The following RANBP2 variants were observed in gnomAD, a reference collection of about 807,000 sequenced individuals.
The protein encoded by RANBP2 is RAN binding protein 2, also known as E3 SUMO-protein ligase RanBP2.
RANBP2 carries 57 observed loss-of-function variants against 303.6 expected under a neutral mutation model. The observed-to-expected ratio is 0.19, with a 90% CI of 0.15 to 0.23. The LOEUF (loss-of-function observed/expected upper bound fraction) is 0.23, where lower values mean the gene tolerates loss of function less well. Among genes scored for constraint, RANBP2 ranks in the 10% least tolerant of loss-of-function variants. The pLI is 1.00. For missense variants in RANBP2, 3,138 were observed against 3,780.8 expected, an observed-to-expected ratio of 0.83 and a Z score of 4.46; for synonymous variants, 1,167 against 1,301.5, an observed-to-expected ratio of 0.90 and a Z score of 2.23.
intron 23 of RANBP2, among the ~76,000 whole-genome samples, chr2:108,774,377 C>A (rs888335191): frequency 6.6e-6 from 1 of 152,016 alleles, no homozygotes; most frequent in Admixed American, 6.6e-5. Context: ...GAGGATTGCT[C>A]GGGAGTCCAG....
At chr2:108,894,313 A>G in the RANBP2 span, among the ~76,000 whole-genome samples, 34 of 152,090 alleles carry the variant, frequency 2.2e-4, no homozygotes, top group African/African-American at 7.7e-4. Flanking sequence ...GTCCCAGGCC[A>G]TAACATTTTA....
At chr2:109,311,803 CA>C in the RANBP2 span, among the ~76,000 whole-genome samples, 1 of 152,202 alleles carries the variant, frequency 6.6e-6, no homozygotes, top group East Asian at 1.9e-4. Flanking sequence ...ATGGCAGAGA[CA>C]GCAAACTTTA....
At chr2:109,221,022 A>AG in the RANBP2 span, among the ~76,000 whole-genome samples, 1 of 148,882 alleles carries the variant, frequency 6.7e-6, no homozygotes, top group Non-Finnish European at 1.5e-5. Context: ...GACAGATGAC[A>AG]GGGTAAACAA....
the RANBP2 span, among the ~76,000 whole-genome samples, chr2:109,287,589 A>C: frequency 6.6e-6 from 1 of 152,116 alleles, no homozygotes. Flanking sequence ...CATCATCTGC[A>C]CTATATACCC....
In RANBP2 at chr2:108,719,498, G is replaced by C; in HGVS notation, c.-109G>C. On this transcript the variant is annotated 5_prime_UTR_variant, in exon 1 of 29. Transcript: ENST00000283195. ...AAGTTCGTCACAGTGGTCCTCCGCC[G>C]GCTACGGCGCTGCGTCACTGGTTTG... The C allele has an allele frequency of 6.6e-7, 1 of 1,519,832 alleles. No individual in the cohort carries two copies. The highest frequency in any genetic ancestry group is 8.9e-7 in the Non-Finnish European group (1 of 1,128,490). 94.1% of individuals were successfully genotyped at this position (1,519,832 alleles called of 1,614,324 possible).
the RANBP2 span, among the ~76,000 whole-genome samples, chr2:109,559,835 C>G: frequency 3.4e-5 from 5 of 148,098 alleles, no homozygotes; most frequent in Non-Finnish European, 7.5e-5. Flanking sequence ...AGAGCTGGAA[C>G]AAAAATGGTT....
the RANBP2 span, among the ~76,000 whole-genome samples, chr2:109,625,091 A>AC: frequency 7.3e-6 from 1 of 137,044 alleles, no homozygotes; most frequent in African/African-American, 3.3e-5. Flanking sequence ...CAACAACAAA[A>AC]AAAAAAAAAA....
the RANBP2 span, among the ~76,000 whole-genome samples, chr2:109,123,869 G>A: frequency 3.9e-5 from 6 of 152,116 alleles, 1 homozygote; most frequent in East Asian, 1.9e-4. Context: ...GGACCTTGCT[G>A]GTATACAGTT....
the RANBP2 span, among the ~76,000 whole-genome samples, chr2:109,717,891 G>A: frequency 2.6e-5 from 4 of 152,266 alleles, no homozygotes; most frequent in African/African-American, 9.6e-5. Context: ...TCCAGCCTGG[G>A]CAACAGAGTA....
At chr2:109,419,597 C>T in the RANBP2 span, 1 of 1,596,548 alleles carries the variant, frequency 6.3e-7, no homozygotes, top group Admixed American at 1.7e-5. Context: ...GCCTCGGTGT[C>T]TGGAGAGCAG....
intron 7 of RANBP2, among the ~76,000 whole-genome samples, chr2:108,741,881 A>G (rs1696131754): frequency 6.6e-6 from 1 of 151,420 alleles, no homozygotes; most frequent in Non-Finnish European, 1.5e-5. Flanking sequence ...TAGTCTTCCA[A>G]AAAAGCATTA....
chr2:109,004,556 A>G, the RANBP2 span, among the ~76,000 whole-genome samples: 1,295 of 152,316 alleles, frequency 8.5e-3, 25 homozygotes, highest in African/African-American at 0.03. Flanking sequence ...CTTTGGGAAC[A>G]GAGTTGGGGG....
the RANBP2 span, chr2:109,614,654 C>A: frequency 6.8e-7 from 1 of 1,477,074 alleles, no homozygotes; most frequent in Non-Finnish European, 8.9e-7. Context: ...CCCGCGCGCA[C>A]TTCAAGGAGC....
chr2:109,475,334 C>G, the RANBP2 span, among the ~76,000 whole-genome samples: 6,251 of 152,300 alleles, frequency 0.041, 386 homozygotes, highest in African/African-American at 0.13. Context: ...CAAATGGATT[C>G]TTCATTTCTC....
the RANBP2 span, among the ~76,000 whole-genome samples, chr2:108,860,434 A>G: frequency 6.6e-6 from 1 of 151,836 alleles, no homozygotes; most frequent in African/African-American, 2.4e-5. Flanking sequence ...AACCCTTTCA[A>G]CTTTTCCCCA....
At chr2:109,202,278 C>G in the RANBP2 span, among the ~76,000 whole-genome samples, 1 of 152,166 alleles carries the variant, frequency 6.6e-6, no homozygotes, top group Non-Finnish European at 1.5e-5. Flanking sequence ...CCAGGTCCAT[C>G]TCGGCAGCGT....
the RANBP2 span, among the ~76,000 whole-genome samples, chr2:109,562,376 C>CT: frequency 2.0e-5 from 3 of 152,038 alleles, no homozygotes; most frequent in Admixed American, 2.0e-4. Flanking sequence ...ACCTGCCCCC[C>CT]TCCCCCAACT....
At chr2:108,966,428 G>A in the RANBP2 span, among the ~76,000 whole-genome samples, 3 of 152,246 alleles carry the variant, frequency 2.0e-5, no homozygotes, top group Non-Finnish European at 4.4e-5. Flanking sequence ...CTCCTCTGGA[G>A]TGACTCCTCA....
At chr2:108,805,569 C>CA in the RANBP2 span, among the ~76,000 whole-genome samples, 118,921 of 149,894 alleles carry the variant, frequency 0.79, 47,477 homozygotes, top group East Asian at 0.95. Context: ...ACCAAAAATA[C>CA]AAAAAAAAAT....
Sources: gnomAD v4.1 joint callset for allele counts (sites outside exome capture counted in the v4.1 genomes callset) on GRCh38, gnomAD v4.1.1 for gene constraint, MANE v1.5 for transcripts, NCBI Gene and HGNC (gene_info 2026-07-23, HGNC 2026-07-21) for gene names.